The following KCNC2 variants were observed in gnomAD, a reference collection of about 807,000 sequenced individuals.
KCNC2 encodes the protein voltage-gated potassium channel KCNC2.
KCNC2 carries 21 observed loss-of-function variants against 44.5 expected under a neutral mutation model. That is an observed-to-expected ratio of 0.47 (90% CI 0.33 to 0.68). KCNC2 has a LOEUF of 0.68. Among genes scored for constraint, KCNC2 ranks in the 30% least tolerant of loss-of-function variants. The pLI is 0.01. For missense variants in KCNC2, 589 were observed against 826.2 expected (o/e 0.71, Z 3.52); for synonymous variants, 391 against 339.1 (o/e 1.15, Z -1.68).
intron 2 of KCNC2, among the ~76,000 whole-genome samples, chr12:75,151,430 A>C (rs113057469): frequency 4.6e-5 from 7 of 152,090 alleles, no homozygotes; most frequent in African/African-American, 1.7e-4. Flanking sequence ...CAAAGAAAAA[A>C]ATGCAAATCC....
chr12:75,147,914 A>C (rs950613878), intron 2 of KCNC2, among the ~76,000 whole-genome samples: 12 of 152,146 alleles, frequency 7.9e-5, no homozygotes, highest in African/African-American at 2.7e-4. Context: ...TAAATATAAA[A>C]AGTATTATAG....
intron 1 of KCNC2, among the ~76,000 whole-genome samples, chr12:75,208,451 T>A (rs904518024): frequency 7.0e-6 from 1 of 143,052 alleles, no homozygotes; most frequent in African/African-American, 2.6e-5. Flanking sequence ...CCTCCTCCCC[T>A]GGTTGGCCTC....
chr12:75,178,792 G>T (rs2255197), intron 2 of KCNC2, among the ~76,000 whole-genome samples: 4,419 of 152,138 alleles, frequency 0.029, 216 homozygotes, highest in African/African-American at 0.1. Flanking sequence ...ATCCATGCTT[G>T]CCAGCGTGGA....
At chr12:75,199,769 C>T (rs987611230) in intron 2 of KCNC2, among the ~76,000 whole-genome samples, 8 of 151,704 alleles carry the variant, frequency 5.3e-5, no homozygotes, top group African/African-American at 1.5e-4. Context: ...ATAGGTTGAA[C>T]CAGTGTTGCA....
chr12:75,081,235 A>G (rs1884473443), intron 2 of KCNC2, among the ~76,000 whole-genome samples: 3 of 152,088 alleles, frequency 2.0e-5, no homozygotes. Context: ...AAAAGTTTAT[A>G]TATCAGGGCT....
chr12:75,185,322 G>A (rs558359721), intron 2 of KCNC2, among the ~76,000 whole-genome samples: 106 of 152,176 alleles, frequency 7.0e-4, no homozygotes, highest in African/African-American at 2.4e-3. Context: ...CAATGCTATG[G>A]TTTGAAAGTG....
chr12:75,049,400 T>C (rs17114501), intron 3 of KCNC2, among the ~76,000 whole-genome samples: 17,177 of 152,030 alleles, frequency 0.11, 1,170 homozygotes, highest in South Asian at 0.22. Flanking sequence ...TTATCTAAGT[T>C]ATGGGGAATC....
intron 2 of KCNC2, among the ~76,000 whole-genome samples, chr12:75,193,097 G>A (rs1593069821): frequency 2.6e-5 from 4 of 151,932 alleles, no homozygotes; most frequent in South Asian, 4.2e-4. Context: ...CAACAACAAC[G>A]ACAACAAAAT....
At chr12:75,208,642 C>T (rs1258214455) in intron 1 of KCNC2, among the ~76,000 whole-genome samples, 3 of 149,640 alleles carry the variant, frequency 2.0e-5, no homozygotes, top group Admixed American at 6.7e-5. Context: ...CCCCTCTCTA[C>T]TCCCTAGCGC....
chr12:75,098,041 T>C (rs940394085), intron 2 of KCNC2, among the ~76,000 whole-genome samples: 9 of 152,114 alleles, frequency 5.9e-5, no homozygotes, highest in African/African-American at 1.7e-4. Flanking sequence ...TAAACATGTA[T>C]AATTAATATG....
intron 4 of KCNC2, 75 bp from the exon 5 acceptor site, chr12:75,043,316 A>T: frequency 6.5e-7 from 1 of 1,541,618 alleles, no homozygotes; most frequent in South Asian, 1.2e-5. Flanking sequence ...CATGCAGGGC[A>T]ATCAAAAGTG....
chr12:75,069,454 A>C (rs962261646), intron 2 of KCNC2, among the ~76,000 whole-genome samples: 1 of 152,034 alleles, frequency 6.6e-6, no homozygotes, highest in African/African-American at 2.4e-5. Context: ...ATATAATCTT[A>C]AAGTCAAAAC....
chr12:75,133,450 GA>G (rs111915760), intron 2 of KCNC2, among the ~76,000 whole-genome samples: 121 of 143,796 alleles, frequency 8.4e-4, no homozygotes, highest in African/African-American at 2.0e-3. Flanking sequence ...CTACAGAACT[GA>G]AAAAAAAAAC....
chr12:75,112,019 T>C lies in KCNC2; in HGVS notation c.688-60702A>G, dbSNP rs914523950. 1.5e-4 allele frequency among the ~76,000 whole-genome samples: 23 copies of C among 152,056 alleles called. No homozygotes were observed. In the East Asian group the frequency reaches 2.5e-3, roughly 17 times the overall value. The stretch of plus-strand genomic sequence containing the variant: ...TTCAATAAAAATAACAAATACTCTA[T>C]GCAGTTTATACTAGATTTTGTATCT... On this transcript the variant is annotated intron_variant, in intron 2 of 4. Transcript: ENST00000549446.
At chr12:75,206,721 A>G (rs1435442401) in intron 2 of KCNC2, among the ~76,000 whole-genome samples, 1 of 152,156 alleles carries the variant, frequency 6.6e-6, no homozygotes, top group Non-Finnish European at 1.5e-5. Flanking sequence ...AGGCCCAAAC[A>G]ACGTTCTGGA....
At chr12:75,190,512 T>C (rs1219805942) in intron 2 of KCNC2, among the ~76,000 whole-genome samples, 2 of 152,232 alleles carry the variant, frequency 1.3e-5, no homozygotes, top group East Asian at 3.9e-4. Context: ...GAAATGTTTC[T>C]ATCCTCTTTG....
chr12:75,169,436 C>T (rs1006706063), intron 2 of KCNC2, among the ~76,000 whole-genome samples: 1 of 151,262 alleles, frequency 6.6e-6, no homozygotes, highest in Non-Finnish European at 1.5e-5. Context: ...TTTAAGTGTG[C>T]AAAATGATAA....
chr12:75,071,288 G>GC (rs150669516), intron 2 of KCNC2, among the ~76,000 whole-genome samples: 10 of 152,094 alleles, frequency 6.6e-5, no homozygotes, highest in Non-Finnish European at 1.3e-4. Flanking sequence ...CTACATGACA[G>GC]CCTTACTTAT....
intron 2 of KCNC2, among the ~76,000 whole-genome samples, chr12:75,053,253 T>A (rs1300488187): frequency 1.3e-5 from 1 of 77,224 alleles, no homozygotes; most frequent in African/African-American, 5.0e-5. Flanking sequence ...TGCCAATATG[T>A]ACCTACTAAC....
Sources: gnomAD v4.1 joint callset for allele counts (sites outside exome capture counted in the v4.1 genomes callset) on GRCh38, gnomAD v4.1.1 for gene constraint, MANE v1.5 for transcripts, NCBI Gene and HGNC (gene_info 2026-07-23, HGNC 2026-07-21) for gene names.